The following ZNF385D variants were observed in gnomAD, a reference collection of about 807,000 sequenced individuals.
The protein encoded by ZNF385D is zinc finger protein 385D.
In ZNF385D, 15 loss-of-function variants were observed where a neutral mutation model predicts 35.8. That is an observed-to-expected ratio of 0.42 (90% CI 0.28 to 0.64). The LOEUF (loss-of-function observed/expected upper bound fraction) is 0.64. Among genes scored for constraint, ZNF385D ranks in the 30% least tolerant of loss-of-function variants. The pLI is 0.23. For missense variants in ZNF385D, 474 were observed against 494.6 expected, an observed-to-expected ratio of 0.96 and a Z score of 0.39; for synonymous variants, 212 against 186.8, an observed-to-expected ratio of 1.13 and a Z score of -1.10.
chr3:21,726,849 A>G (rs2068786384), intron 1 of ZNF385D, among the ~76,000 whole-genome samples: 1 of 152,202 alleles, frequency 6.6e-6, no homozygotes. Flanking sequence ...ACCAAAAAAG[A>G]GCCCGCATAG....
intron 3 of ZNF385D, among the ~76,000 whole-genome samples, chr3:21,933,138 T>C (rs918948439): frequency 2.6e-5 from 4 of 152,220 alleles, no homozygotes; most frequent in Non-Finnish European, 4.4e-5. Flanking sequence ...GAAAAACTCG[T>C]CTCAATTTGG....
chr3:21,819,143 T>C (rs1044090372), intron 3 of ZNF385D, among the ~76,000 whole-genome samples: 4 of 151,520 alleles, frequency 2.6e-5, no homozygotes, highest in Admixed American at 6.6e-5. Flanking sequence ...TCACTAAAAA[T>C]AGTCATGAAA....
intron 3 of ZNF385D, among the ~76,000 whole-genome samples, chr3:21,843,365 G>A (rs1051442859): frequency 5.3e-5 from 8 of 151,934 alleles, no homozygotes; most frequent in African/African-American, 1.9e-4. Context: ...GTGGACCAGG[G>A]GAATTATCCT....
chr3:22,199,843 C>T (rs146220156), intron 2 of ZNF385D, among the ~76,000 whole-genome samples: 2,584 of 152,140 alleles, frequency 0.017, 38 homozygotes, highest in Non-Finnish European at 0.028. Context: ...TTATGAATTA[C>T]ATTTTTAAAC....
intron 3 of ZNF385D, among the ~76,000 whole-genome samples, chr3:22,097,716 G>A (rs1164453716): frequency 6.6e-6 from 1 of 152,008 alleles, no homozygotes; most frequent in Non-Finnish European, 1.5e-5. Context: ...ATGAAGCTGT[G>A]TGCTTGGAGA....
intron 3 of ZNF385D, among the ~76,000 whole-genome samples, chr3:22,000,640 A>G (rs975809432): frequency 2.0e-5 from 3 of 152,186 alleles, no homozygotes; most frequent in Admixed American, 6.5e-5. Context: ...AGAATTCTAG[A>G]AACAGCAAGG....
intron 3 of ZNF385D, among the ~76,000 whole-genome samples, chr3:21,756,596 G>T (rs747852155): frequency 6.6e-6 from 1 of 152,116 alleles, no homozygotes; most frequent in Non-Finnish European, 1.5e-5. Context: ...GTATCTTTTA[G>T]GAAGTATAGA....
At chr3:21,603,488 T>G (rs2064380330) in intron 2 of ZNF385D, among the ~76,000 whole-genome samples, 1 of 152,238 alleles carries the variant, frequency 6.6e-6, no homozygotes, top group African/African-American at 2.4e-5. Context: ...CTATAGATAT[T>G]GGTTACATAA....
chr3:21,755,071 T>A (rs1400240793), upstream of ZNF385D, among the ~76,000 whole-genome samples: 1 of 152,256 alleles, frequency 6.6e-6, no homozygotes, highest in South Asian at 2.1e-4. Context: ...AGTTTGTGAG[T>A]GTGTTTGTCC....
chr3:22,298,574 CAT>C (rs1327141407), intron 2 of ZNF385D, among the ~76,000 whole-genome samples: 12 of 144,092 alleles, frequency 8.3e-5, no homozygotes, highest in African/African-American at 7.5e-5. Flanking sequence ...CACACACACA[CAT>C]ATATGTATGT....
chr3:22,099,998 C>T (rs954716765), intron 3 of ZNF385D, among the ~76,000 whole-genome samples: 5 of 151,800 alleles, frequency 3.3e-5, no homozygotes, highest in Non-Finnish European at 5.9e-5. Context: ...AAAAAACAAA[C>T]AACCCCATCA....
At chr3:22,303,150 C>T (rs918826022) in intron 2 of ZNF385D, among the ~76,000 whole-genome samples, 4 of 152,106 alleles carry the variant, frequency 2.6e-5, no homozygotes, top group Non-Finnish European at 4.4e-5. Flanking sequence ...ATAATAATAT[C>T]GTTGGCTGCA....
At chr3:21,812,174 T>A (rs958208590) in intron 3 of ZNF385D, among the ~76,000 whole-genome samples, 6 of 152,092 alleles carry the variant, frequency 3.9e-5, no homozygotes, top group African/African-American at 9.7e-5. Flanking sequence ...ATTAAAAAAA[T>A]AGGAAGGGGA....
At chr3:22,359,424 A>T (rs969845032) in intron 2 of ZNF385D, among the ~76,000 whole-genome samples, 1 of 151,960 alleles carries the variant, frequency 6.6e-6, no homozygotes, top group Non-Finnish European at 1.5e-5. Flanking sequence ...GAATATTTTC[A>T]GAGGCTCTAC....
intron 2 of ZNF385D, among the ~76,000 whole-genome samples, chr3:22,313,511 G>A (rs1166735332): frequency 6.6e-6 from 1 of 152,030 alleles, no homozygotes; most frequent in African/African-American, 2.4e-5. Flanking sequence ...GAAATTCAAT[G>A]AAGAATATGG....
At chr3:21,834,956 T>C (rs1187899491) in intron 3 of ZNF385D, among the ~76,000 whole-genome samples, 1 of 152,176 alleles carries the variant, frequency 6.6e-6, no homozygotes, top group Non-Finnish European at 1.5e-5. Context: ...CAATTGAATC[T>C]CTTTTCTTTA....
intron 3 of ZNF385D, among the ~76,000 whole-genome samples, chr3:21,760,678 C>A: frequency 6.6e-6 from 1 of 152,090 alleles, no homozygotes; most frequent in East Asian, 1.9e-4. Flanking sequence ...ATGCTTAGTG[C>A]ACTATCAAGA....
intron 2 of ZNF385D, among the ~76,000 whole-genome samples, chr3:22,173,430 T>A (rs1027349103): frequency 2.0e-5 from 3 of 152,182 alleles, no homozygotes; most frequent in Admixed American, 2.0e-4. Context: ...TCTACCAATT[T>A]GGCAACTTTT....
At chr3:22,102,396 A>T (rs1296542652) in intron 3 of ZNF385D, among the ~76,000 whole-genome samples, 1 of 152,074 alleles carries the variant, frequency 6.6e-6, no homozygotes, top group Admixed American at 6.6e-5. Context: ...GTAAGAGTTA[A>T]AATATGAATC....
Sources: gnomAD v4.1 joint callset for allele counts (sites outside exome capture counted in the v4.1 genomes callset) on GRCh38, gnomAD v4.1.1 for gene constraint, MANE v1.5 for transcripts, NCBI Gene and HGNC (gene_info 2026-07-23, HGNC 2026-07-21) for gene names.